The following NCOA2 variants were observed in gnomAD, a reference collection of about 807,000 sequenced individuals.
NCOA2 encodes the protein class E basic helix-loop-helix protein 75.
In NCOA2, 21 loss-of-function variants were observed where a neutral mutation model predicts 145.1. The ratio of observed to expected loss-of-function variants is 0.14; its 90% CI spans 0.10 to 0.21. The LOEUF is 0.21. NCOA2 is among the 10% of genes least tolerant of loss of function. NCOA2 has a pLI of 1.00. For missense variants in NCOA2, 1,472 were observed against 1,837.6 expected, an observed-to-expected ratio of 0.80 and a Z score of 3.64; for synonymous variants, 619 against 637.5, an observed-to-expected ratio of 0.97 and a Z score of 0.44.
At chr8:70,159,250 T>A (rs1428513793) in intron 10 of NCOA2, among the ~76,000 whole-genome samples, 7 of 16,924 alleles carry the variant, frequency 4.1e-4, no homozygotes, top group East Asian at 1.0e-3. Context: ...ATATTTTTTT[T>A]TTTTTCCCCC....
At chr8:70,226,102 T>C (rs1454041640) in intron 2 of NCOA2, among the ~76,000 whole-genome samples, 1 of 152,004 alleles carries the variant, frequency 6.6e-6, no homozygotes, top group East Asian at 1.9e-4. Flanking sequence ...AAAAAGAAAA[T>C]TAAAAAATTA....
intron 2 of NCOA2, among the ~76,000 whole-genome samples, chr8:70,258,883 C>A (rs1823878512): frequency 6.6e-6 from 1 of 152,178 alleles, no homozygotes; most frequent in African/African-American, 2.4e-5. Context: ...AATGTCACTT[C>A]TCTTTTTCTT....
chr8:70,242,058 GTTTA>G (rs1305447928), intron 2 of NCOA2, among the ~76,000 whole-genome samples: 1 of 152,096 alleles, frequency 6.6e-6, no homozygotes, highest in Non-Finnish European at 1.5e-5. Context: ...TCAATACTAT[GTTTA>G]TTTATCATTC....
At chr8:70,443,176 G>A in the NCOA2 span, among the ~76,000 whole-genome samples, 1 of 151,908 alleles carries the variant, frequency 6.6e-6, no homozygotes, top group Non-Finnish European at 1.5e-5. Context: ...ATCGGCCTGA[G>A]CAATGAAGTG....
intron 1 of NCOA2, among the ~76,000 whole-genome samples, chr8:70,304,773 G>C (rs1282909895): frequency 1.3e-5 from 2 of 151,772 alleles, no homozygotes; most frequent in East Asian, 1.9e-4. Context: ...GGGATTACAG[G>C]TGTGAGCCAC....
At chr8:70,158,784 A>G (rs1443289964) in intron 10 of NCOA2, among the ~76,000 whole-genome samples, 1 of 152,112 alleles carries the variant, frequency 6.6e-6, no homozygotes, top group Non-Finnish European at 1.5e-5. Context: ...AAAACAAAAA[A>G]ACCAAACAGT....
intron 4 of NCOA2, among the ~76,000 whole-genome samples, chr8:70,191,177 T>C (rs1260336966): frequency 1.3e-5 from 2 of 152,166 alleles, no homozygotes; most frequent in African/African-American, 4.8e-5. Flanking sequence ...TTGTGTGCTT[T>C]AAAAAAATAT....
At chr8:70,152,623 C>T (rs1811866423) in intron 11 of NCOA2, among the ~76,000 whole-genome samples, 1 of 152,198 alleles carries the variant, frequency 6.6e-6, no homozygotes, top group South Asian at 2.1e-4. Context: ...CCATGTTCCA[C>T]TGTGTAAATA....
Position 70,240,583 on chromosome 8 carries a change from C to T in NCOA2, c.-19-23819G>A, listed in dbSNP as rs117790507. On this transcript the variant is annotated intron_variant, in intron 2 of 22. Transcript: ENST00000452400. Reference sequence around the variant, plus strand: ...GATGTTGGAACGCTATAGAGGGTTCCGAAGTGCCAGAAGGCTGTGATGTGC... The same window carrying T: ...GATGTTGGAACGCTATAGAGGGTTCTGAAGTGCCAGAAGGCTGTGATGTGC... Among the ~76,000 whole-genome samples, 1,345 of 152,164 alleles carry T rather than the reference C, an allele frequency of 8.8e-3. 23 individuals are homozygous for T. Among genetic ancestry groups the T allele is most frequent in the Middle Eastern group, 0.017 (5 of 292 alleles).
At chr8:70,200,750 G>C (rs1817793330) in intron 4 of NCOA2, among the ~76,000 whole-genome samples, 1 of 152,000 alleles carries the variant, frequency 6.6e-6, no homozygotes, top group Non-Finnish European at 1.5e-5. Context: ...AGTAGTGATG[G>C]TTACACAAAA....
Position 70,138,203 on chromosome 8 carries a change from C to G in NCOA2, c.3158G>C (p.Arg1053Thr). 1 of 1,612,066 alleles carries G rather than the reference C, an allele frequency of 6.2e-7. No individual in the cohort carries two copies. Among genetic ancestry groups the G allele is most frequent in the Non-Finnish European group, 8.5e-7 (1 of 1,179,366 alleles). ...IDQASFASQN[R>T]QPFGSSPDDL... Reference sequence around the variant, plus strand: ...GCTACCCTAGGTGCTCAGGACTCACCTGTTTTGGCTGGCAAAAGACGCCTG... The same window carrying G: ...GCTACCCTAGGTGCTCAGGACTCACGTGTTTTGGCTGGCAAAAGACGCCTG... Residue 1053 changes from arginine (R) to threonine (T), a missense_variant and splice_region_variant, in exon 15 of 23, where the codon AGG becomes ACG. By Grantham distance (71) the Arg-to-Thr change is moderately conservative. Coordinates refer to ENST00000452400, the MANE Select transcript of NCOA2 (RefSeq NM_006540.4).
In NCOA2 at chr8:70,124,787, T is replaced by C; in HGVS notation, c.3995A>G (p.His1332Arg). ...QSPLMSPRMA[H>R]TQSPMMQQSQ... ...CTGTTGCATCATGGGACTCTGTGTA[T>C]GTGCCATTCGGGGTGACATAAGTGG... is the stretch of plus-strand genomic sequence containing the variant. The change falls in exon 20 of 23, where the codon CAT becomes CGT. Residue 1332 changes from histidine to arginine, a missense_variant. His to Arg is a conservative substitution (Grantham distance 29). Transcript: ENST00000452400. 6.2e-7 allele frequency: 1 copy of C among 1,613,734 alleles called. No individual in the cohort carries two copies. Among genetic ancestry groups the C allele is most frequent in the Non-Finnish European group, 8.5e-7 (1 of 1,179,798 alleles).
At chr8:70,298,936 C>A (rs1411901022) in intron 1 of NCOA2, among the ~76,000 whole-genome samples, 1 of 152,084 alleles carries the variant, frequency 6.6e-6, no homozygotes, top group African/African-American at 2.4e-5. Flanking sequence ...TGGCAGGCGC[C>A]TGTAGTTCCA....
chr8:70,243,448 T>C (rs1318488844), intron 2 of NCOA2, among the ~76,000 whole-genome samples: 1 of 152,106 alleles, frequency 6.6e-6, no homozygotes, highest in African/African-American at 2.4e-5. Flanking sequence ...GTTAACTTAT[T>C]GGATTAAATA....
At position 70,112,897 on chromosome 8, in the gene NCOA2, G is replaced by A. The variant is rs981505438; in HGVS notation, c.*735C>T. 2 of 199,088 alleles carry A rather than the reference G, an allele frequency of 1.0e-5. No homozygotes were observed. Among genetic ancestry groups the A allele is most frequent in the Non-Finnish European group, 2.1e-5 (2 of 96,444 alleles). 12.3% of individuals were successfully genotyped at this position (199,088 alleles called of 1,614,324 possible). ...TGAAAATTATTTCTTCTCAATTCAT[G>A]ATTCAGGTGAACCAGTTTGGTTTTA... On this transcript the variant is annotated 3_prime_UTR_variant, in exon 23 of 23. Coordinates refer to ENST00000452400, the MANE Select transcript of NCOA2 (RefSeq NM_006540.4).
chr8:70,445,163 T>G, the NCOA2 span, among the ~76,000 whole-genome samples: 2 of 152,190 alleles, frequency 1.3e-5, no homozygotes, highest in African/African-American at 4.8e-5. Flanking sequence ...TGAGTTACAG[T>G]AATTGTAGCT....
At chr8:70,422,871 A>G in the NCOA2 span, among the ~76,000 whole-genome samples, 73 of 151,766 alleles carry the variant, frequency 4.8e-4, 1 homozygote, top group Admixed American at 2.8e-3. Flanking sequence ...AAATGTTGTT[A>G]CGTTTTCTTT....
rs1219088154 is a variant in NCOA2, at chr8:70,338,842, C to CA, written c.-76-42043dup. Among the ~76,000 whole-genome samples the CA allele has an allele frequency of 2.0e-5, 3 of 151,964 alleles. No individual in the cohort carries two copies. In the East Asian group the frequency reaches 5.8e-4, roughly 29 times the overall value. On this transcript the variant is annotated intron_variant, in intron 1 of 22. Coordinates refer to ENST00000452400, the MANE Select transcript of NCOA2 (RefSeq NM_006540.4). ...TTCACTACATAAACTGCACTAAAGA[C>CA]AAAAAACACATGATTATCTCAATAC...
the NCOA2 span, among the ~76,000 whole-genome samples, chr8:70,419,156 T>G: frequency 2.6e-5 from 4 of 151,606 alleles, no homozygotes; most frequent in Non-Finnish European, 4.4e-5. Context: ...ACCCTCCCAG[T>G]GTATTTGGCT....
Sources: allele counts gnomAD v4.1 joint callset (sites outside exome capture counted in the v4.1 genomes callset), GRCh38; gene constraint gnomAD v4.1.1; transcripts MANE v1.5; gene names NCBI Gene and HGNC (gene_info 2026-07-23, HGNC 2026-07-21).